Variants in IL3 observed in about 807,000 individuals in gnomAD.
IL3 encodes interleukin 3.
A neutral mutation model predicts 15.4 loss-of-function variants in IL3; 15 were observed. The ratio of observed to expected loss-of-function variants is 0.97; its 90% confidence interval spans 0.65 to 1.50. The LOEUF (loss-of-function observed/expected upper bound fraction) is 1.50, where lower values mean the gene tolerates loss of function less well. IL3 is among the 40% of genes most tolerant of loss of function. The pLI, the probability that IL3 is intolerant of heterozygous loss-of-function variation, is 0.00. For synonymous variants in IL3, 74 were observed against 79.3 expected (o/e 0.93, Z 0.36); for missense variants, 162 against 192.2 (o/e 0.84, Z 0.93).
Position 132,062,923 on chromosome 5 carries a change from G to A in IL3, c.*132G>A, listed in dbSNP as rs769987306. ...CCAGAAGCATTTCACCTTTTCCTGC[G>A]GCATCAGATGAATTGTTAATTATCT... On this transcript the variant is annotated 3_prime_UTR_variant, in exon 5 of 5. Coordinates refer to ENST00000296870, the MANE Select transcript of IL3 (RefSeq NM_000588.4). The A allele has an allele frequency of 1.4e-5, 17 of 1,203,136 alleles. No homozygotes were observed. Among genetic ancestry groups the A allele is most frequent in the Admixed American group, 8.4e-5 (3 of 35,846 alleles). 74.5% of individuals were successfully genotyped at this position (1,203,136 alleles called of 1,614,324 possible).
At position 132,060,693 on chromosome 5, in the gene IL3, C is replaced by T; in HGVS notation, c.-14C>T. 6.2e-7 allele frequency: 1 copy of T among 1,612,372 alleles called. No homozygotes were observed. The highest frequency in any genetic ancestry group is 8.5e-7 in the Non-Finnish European group (1 of 1,179,982). Reference sequence around the variant, plus strand: ...GGACCAGAACAAGACAGAGTGCCTCCTGCCGATCCAAACATGAGCCGCCTG... The same window carrying T: ...GGACCAGAACAAGACAGAGTGCCTCTTGCCGATCCAAACATGAGCCGCCTG... On this transcript the variant is annotated 5_prime_UTR_variant, in exon 1 of 5. Transcript: ENST00000296870.
At chr5:132,061,096 C>A in intron 2 of IL3, 88 bp downstream of exon 2, 1 of 1,240,186 alleles carries the variant, frequency 8.1e-7, no homozygotes, top group Non-Finnish European at 1.2e-6. Flanking sequence ...TTGCTTTCTT[C>A]ATCTGTAAAA....
intron 1 of IL3, 26 bp from the exon 2 acceptor site, chr5:132,060,941 G>A (rs373745547): frequency 3.7e-4 from 605 of 1,613,828 alleles, no homozygotes; most frequent in Non-Finnish European, 5.0e-4. Context: ...GGCCTCATGG[G>A]CCTTTCTCTC....
rs1412137292 is a variant in IL3, at chr5:132,061,004, T to C, written c.200T>C (p.Leu67Pro). 2 of 1,613,988 alleles carry C rather than the reference T, an allele frequency of 1.2e-6. No individual in the cohort carries two copies. The highest frequency in any genetic ancestry group is 1.7e-6 in the Non-Finnish European group (2 of 1,179,974). Residue 67 changes from leucine to proline, a missense_variant, in exon 2 of 5, where the codon CTG (leucine) becomes CCG (proline). Physicochemically the swap from Leu to Pro is moderately conservative, Grantham distance 98 (BLOSUM62 -3). Coordinates refer to ENST00000296870, the MANE Select transcript of IL3 (RefSeq NM_000588.4). The part of the protein sequence containing the change: ...NNLNGEDQDI[L>P]MENNLRRPNL... ...CTCAATGGGGAAGACCAAGACATTC[T>C]GATGGTAAGAGCTCAGCCCGTGGAT...
At chr5:132,061,794 A>G (rs541757384) in intron 2 of IL3, among the ~76,000 whole-genome samples, 1 of 134,232 alleles carries the variant, frequency 7.4e-6, no homozygotes, top group Admixed American at 7.9e-5. Context: ...TTGAGACAAG[A>G]GTCTCACTCT....
At chr5:132,060,932 G>T (rs767943776) in intron 1 of IL3, 35 bp from the exon 2 acceptor site, 1 of 1,613,604 alleles carries the variant, frequency 6.2e-7, no homozygotes, top group South Asian at 1.1e-5. Flanking sequence ...AGGCCAAAAG[G>T]CCTCATGGGC....
rs35415145 is a variant in IL3, at chr5:132,060,713, C to T, written c.7C>T (p.Arg3Cys). 1.8e-3 allele frequency: 2,935 copies of T among 1,612,994 alleles called. 24 individuals are homozygous for T. The African/African-American group carries it at 0.022, about 12-fold the overall frequency. Reference protein sequence around the residue: MSRLPVLLLLQLL... With the variant: MSCLPVLLLLQLL... ...GCCTCCTGCCGATCCAAACATGAGC[C>T]GCCTGCCCGTCCTGCTCCTGCTCCA... The change falls in exon 1 of 5, where the codon CGC becomes TGC. Residue 3 changes from arginine to cysteine, a missense_variant. Coordinates refer to ENST00000296870, the MANE Select transcript of IL3 (RefSeq NM_000588.4).
Position 132,062,805 on chromosome 5 carries a change from C to T in IL3, c.*14C>T, listed in dbSNP as rs1402559485. 2 of 1,609,294 alleles carry T rather than the reference C, an allele frequency of 1.2e-6. No homozygotes were observed. The highest frequency in any genetic ancestry group is 2.7e-5 in the African/African-American group (2 of 74,810). ...GCGATCTTTTGAGTCCAACGTCCAGCTCGTTCTCTGGGCCTTCTCACCACA... is the reference window on the plus strand; with the variant it reads ...GCGATCTTTTGAGTCCAACGTCCAGTTCGTTCTCTGGGCCTTCTCACCACA... On this transcript the variant is annotated 3_prime_UTR_variant, in exon 5 of 5. Transcript: ENST00000296870.
Position 132,062,986 on chromosome 5 carries a change from G to C in IL3, c.*195G>C, listed in dbSNP as rs2069792. ...GTGCAGCTCCCATTTGGCCTTGTGC[G>C]GTTGTGTTCTCATTTTTATCCCATT... On this transcript the variant is annotated 3_prime_UTR_variant, in exon 5 of 5. Coordinates refer to ENST00000296870, the MANE Select transcript of IL3 (RefSeq NM_000588.4). The C allele has an allele frequency of 1.1e-5, 7 of 658,160 alleles. No individual in the cohort carries two copies. Among genetic ancestry groups the C allele is most frequent in the South Asian group, 9.1e-5 (4 of 44,032 alleles). The allele number at this position is 658,160 out of a possible 1,614,324, so 40.8% of individuals were successfully genotyped here.
At chr5:132,062,191 G>T in intron 2 of IL3, 121 bp from the exon 3 acceptor site, 1 of 822,624 alleles carries the variant, frequency 1.2e-6, no homozygotes, top group Non-Finnish European at 2.1e-6. Flanking sequence ...AACGGGACTA[G>T]GAGGGAACCC....
chr5:132,061,315 G>A (rs1256010632), intron 2 of IL3, among the ~76,000 whole-genome samples: 7 of 152,272 alleles, frequency 4.6e-5, no homozygotes, highest in Admixed American at 4.6e-4. Flanking sequence ...TGGTAGGGCA[G>A]ACTCTGGACT....
Position 132,062,582 on chromosome 5 carries a change from A to G in IL3, c.336+15A>G. The G allele has an allele frequency of 6.2e-7, 1 of 1,613,978 alleles. No individual in the cohort carries two copies. Among genetic ancestry groups the G allele is most frequent in the Non-Finnish European group, 8.5e-7 (1 of 1,179,878 alleles). On this transcript the variant is annotated intron_variant, in intron 4 of 4. Transcript: ENST00000296870. ...CCGCACCCACGGTAAGCTGTCCCCCAAGATGCCCGTCATGGCTTGCTCCTC... is the reference window on the plus strand; with the variant it reads ...CCGCACCCACGGTAAGCTGTCCCCCGAGATGCCCGTCATGGCTTGCTCCTC...
At chr5:132,061,647 A>AGC (rs1756480534) in intron 2 of IL3, among the ~76,000 whole-genome samples, 1 of 152,136 alleles carries the variant, frequency 6.6e-6, no homozygotes, top group Non-Finnish European at 1.5e-5. Context: ...GAACACTGTT[A>AGC]TCAGCCTCTG....
chr5:132,062,932 T>A lies in IL3; in HGVS notation c.*141T>A. 2 of 1,148,718 alleles carry A rather than the reference T, an allele frequency of 1.7e-6. No homozygotes were observed. Among genetic ancestry groups the A allele is most frequent in the Non-Finnish European group, 2.4e-6 (2 of 834,066 alleles). 71.2% of individuals were successfully genotyped at this position (1,148,718 alleles called of 1,614,324 possible). Reference sequence around the variant, plus strand: ...TTTCACCTTTTCCTGCGGCATCAGATGAATTGTTAATTATCTAATTTCTGA... The same window carrying A: ...TTTCACCTTTTCCTGCGGCATCAGAAGAATTGTTAATTATCTAATTTCTGA... On this transcript the variant is annotated 3_prime_UTR_variant, in exon 5 of 5. Coordinates refer to ENST00000296870, the MANE Select transcript of IL3 (RefSeq NM_000588.4).
intron 4 of IL3, 37 bp downstream of exon 4, chr5:132,062,604 C>T (rs759354925): frequency 4.3e-6 from 7 of 1,613,526 alleles, no homozygotes; most frequent in East Asian, 2.2e-5. Context: ...ATGGCTTGCT[C>T]CTCAGCTGGT....
At chr5:132,062,284 C>T in intron 2 of IL3, 28 bp from the exon 3 acceptor site, 1 of 1,549,960 alleles carries the variant, frequency 6.5e-7, no homozygotes, top group Non-Finnish European at 8.9e-7. Flanking sequence ...TAACCTTTCC[C>T]CCTTAAGTGT....
intron 2 of IL3, 77 bp from the exon 3 acceptor site, chr5:132,062,235 T>G (rs1241942297): frequency 5.1e-6 from 6 of 1,169,966 alleles, no homozygotes; most frequent in Admixed American, 1.7e-5. Flanking sequence ...TGGGAAACTG[T>G]GGGGGTGACT....
Position 132,062,731 on chromosome 5 carries a change from T to A in IL3, c.399T>A (p.Tyr133Ter), listed in dbSNP as rs1014325279. 1.9e-6 allele frequency: 3 copies of A among 1,614,200 alleles called. No individual in the cohort carries two copies. Among genetic ancestry groups the A allele is most frequent in the Non-Finnish European group, 2.5e-6 (3 of 1,180,016 alleles). Residue 133 changes from tyrosine to a stop codon, truncating the protein, a stop_gained, in exon 5 of 5, where the codon TAT becomes TAA. Coordinates refer to ENST00000296870, the MANE Select transcript of IL3 (RefSeq NM_000588.4). LOFTEE classifies it low-confidence loss of function (END_TRUNC). ...WNEFRRKLTF[Y>*]LKTLENAQAQ... Reference sequence around the variant, plus strand: ...AATTCCGGAGGAAACTGACGTTCTATCTGAAAACCCTTGAGAATGCGCAGG... The same window carrying A: ...AATTCCGGAGGAAACTGACGTTCTAACTGAAAACCCTTGAGAATGCGCAGG...
At chr5:132,061,400 T>G (rs1756475613) in intron 2 of IL3, among the ~76,000 whole-genome samples, 1 of 152,236 alleles carries the variant, frequency 6.6e-6, no homozygotes, top group Admixed American at 6.5e-5. Flanking sequence ...TTTTCCACCC[T>G]CATTGGCTGT....
Sources: gnomAD v4.1 joint callset for allele counts (sites outside exome capture counted in the v4.1 genomes callset) on GRCh38, gnomAD v4.1.1 for gene constraint, MANE v1.5 for transcripts, NCBI Gene and HGNC (gene_info 2026-07-23, HGNC 2026-07-21) for gene names.